Variants in RDH12 observed in about 807,000 individuals in gnomAD.
RDH12 encodes all-trans and 9-cis retinol dehydrogenase.
In RDH12, 21 loss-of-function variants were observed where a neutral mutation model predicts 34.0. That is an observed-to-expected ratio of 0.62 (90% CI 0.44 to 0.89). The LOEUF (loss-of-function observed/expected upper bound fraction) is 0.89, where lower values mean the gene tolerates loss of function less well. Ranked by LOEUF, RDH12 falls within the 40% of genes least tolerant of loss-of-function variation. The pLI is 0.00. For missense variants in RDH12, 394 were observed against 398.6 expected, an observed-to-expected ratio of 0.99 and a Z score of 0.10; for synonymous variants, 198 against 169.9, an observed-to-expected ratio of 1.17 and a Z score of -1.29.
Position 67,709,424 on chromosome 14 carries a change from C to A in RDH12, c.-275+7489C>A, listed in dbSNP as rs144041111. ...GACCATAAGATATAACTTTCATAAGCCTTTCATAACCTTTATAACCTTTAG... is the reference window on the plus strand; with the variant it reads ...GACCATAAGATATAACTTTCATAAGACTTTCATAACCTTTATAACCTTTAG... On this transcript the variant is annotated intron_variant, in intron 1 of 8. Coordinates refer to ENST00000551171, the MANE Select transcript of RDH12 (RefSeq NM_152443.3). Among the ~76,000 whole-genome samples, 121 of 152,284 alleles carry A rather than the reference C, an allele frequency of 7.9e-4. 1 individual carries two copies. Among genetic ancestry groups the A allele is most frequent in the African/African-American group, 2.6e-3 (109 of 41,540 alleles).
At position 67,732,687 on chromosome 14, in the gene RDH12, CT is replaced by C. The variant is rs368837803; in HGVS notation, c.849-1058del. Reference sequence around the variant, plus strand: ...TGCCTCCTGGGTTCAAGCCATTCTCCTGCATCAGCCTCCCAAGTAGCTGGGA... The same window carrying C: ...TGCCTCCTGGGTTCAAGCCATTCTCCGCATCAGCCTCCCAAGTAGCTGGGA... On this transcript the variant is annotated intron_variant, in intron 8 of 8. Transcript: ENST00000551171. Among the ~76,000 whole-genome samples, 1,056 of 152,266 alleles carry C rather than the reference CT, an allele frequency of 6.9e-3. 6 individuals carry two copies. The highest frequency in any genetic ancestry group is 0.01 in the Admixed American group (155 of 15,296).
At position 67,724,999 on chromosome 14, in the gene RDH12, G is replaced by C. The variant is rs2038167838; in HGVS notation, c.188-100G>C. 21 of 1,329,880 alleles carry C rather than the reference G, an allele frequency of 1.6e-5. No homozygotes were observed. The South Asian group carries it at 2.1e-4, about 13-fold the overall frequency. The allele number at this position is 1,329,880 out of a possible 1,614,324, so 82.4% of individuals were successfully genotyped here. ...TCACTCTACCGTTGAAGGATGGCTG[G>C]GAGAATGAATGCTCTGTCCCCCAGT... On this transcript the variant is annotated intron_variant, in intron 4 of 8. Transcript: ENST00000551171.
rs367934208 is a variant in RDH12, at chr14:67,733,998, T to C, written c.*150T>C. 18 of 626,024 alleles carry C rather than the reference T, an allele frequency of 2.9e-5. No individual in the cohort carries two copies. Among genetic ancestry groups the C allele is most frequent in the Admixed American group, 2.3e-4 (11 of 46,990 alleles). The allele number at this position is 626,024 out of a possible 1,614,324, so 38.8% of individuals were successfully genotyped here. A position where few individuals can be genotyped will look rare whatever the true frequency, so the allele number is the denominator to read the frequency against. ...ATCCTCTTGACCCTTCTGGGAATGT[T>C]TGCACACCTGACACTCTTGTGAGAC... On this transcript the variant is annotated 3_prime_UTR_variant, in exon 9 of 9. Coordinates refer to ENST00000551171, the MANE Select transcript of RDH12 (RefSeq NM_152443.3).
chr14:67,727,279 G>A (rs1566848198), intron 7 of RDH12, 89 bp downstream of exon 7: 1 of 916,206 alleles, frequency 1.1e-6, no homozygotes, highest in Non-Finnish European at 1.7e-6. Context: ...TGTCAAACAT[G>A]CACGTGTCAG....
At chr14:67,727,279 G>C in intron 7 of RDH12, 89 bp downstream of exon 7, 1 of 916,206 alleles carries the variant, frequency 1.1e-6, no homozygotes, top group African/African-American at 1.6e-5. Flanking sequence ...TGTCAAACAT[G>C]CACGTGTCAG....
chr14:67,702,689 G>A (rs571362875), intron 1 of RDH12, among the ~76,000 whole-genome samples: 1 of 152,282 alleles, frequency 6.6e-6, no homozygotes, highest in African/African-American at 2.4e-5. Context: ...ACTAATTTAT[G>A]AGTGCTCATT....
rs372927310 is a variant in RDH12 at position 67,719,018 on chromosome 14, C to T, written c.-274-1830C>T. 7.9e-4 allele frequency among the ~76,000 whole-genome samples: 121 copies of T among 152,284 alleles called. 4 individuals are homozygous for T. The South Asian group carries it at 0.024, about 30-fold the overall frequency. ...ATGTGAGAATTTATCCAGTAAGATACACCAACAAAGTTGGGCATGTTCCAA... is the reference window on the plus strand; with the variant it reads ...ATGTGAGAATTTATCCAGTAAGATATACCAACAAAGTTGGGCATGTTCCAA... On this transcript the variant is annotated intron_variant, in intron 1 of 8. Coordinates refer to ENST00000551171, the MANE Select transcript of RDH12 (RefSeq NM_152443.3).
intron 8 of RDH12, among the ~76,000 whole-genome samples, chr14:67,731,905 T>A (rs1244447758): frequency 1.3e-5 from 2 of 151,910 alleles, no homozygotes; most frequent in African/African-American, 4.8e-5. Context: ...GGTGGGTGGA[T>A]CACTTGAGGT....
chr14:67,733,832 G>T lies in RDH12; in HGVS notation c.935G>T (p.Gly312Val). ...TGGAATGTCAGCTGTGAGCTTCTAG[G>T]AATCCGGTGGGAGTAGCTGGTGGAA... ...RLWNVSCELLGIRWE is the reference protein window; with the variant it reads ...RLWNVSCELLVIRWE The change falls in exon 9 of 9, where the codon GGA becomes GTA. Residue 312 changes from glycine to valine, a missense_variant. Physicochemically the swap from Gly to Val is moderately radical, Grantham distance 109 (BLOSUM62 -3). Coordinates refer to ENST00000551171, the MANE Select transcript of RDH12 (RefSeq NM_152443.3). The T allele has an allele frequency of 6.2e-7, 1 of 1,612,490 alleles. No individual in the cohort carries two copies. The highest frequency in any genetic ancestry group is 1.1e-5 in the South Asian group (1 of 91,012).
chr14:67,732,593 T>C (rs945723166), intron 8 of RDH12, among the ~76,000 whole-genome samples: 98 of 152,226 alleles, frequency 6.4e-4, no homozygotes, highest in Middle Eastern at 3.4e-3. Context: ...TTCTTTTTTT[T>C]GAGACGGAGT....
chr14:67,703,058 G>A, intron 1 of RDH12, among the ~76,000 whole-genome samples: 1 of 152,122 alleles, frequency 6.6e-6, no homozygotes, highest in East Asian at 1.9e-4. Context: ...GGGCGCAAAT[G>A]ATCCTCCTAC....
chr14:67,713,133 T>G (rs745661917), intron 1 of RDH12, among the ~76,000 whole-genome samples: 2 of 151,812 alleles, frequency 1.3e-5, no homozygotes, highest in Non-Finnish European at 2.9e-5. Context: ...AAGCAGAAAT[T>G]AAAACCAGCT....
At chr14:67,724,075 G>A (rs1335829682) in intron 3 of RDH12, among the ~76,000 whole-genome samples, 1 of 152,174 alleles carries the variant, frequency 6.6e-6, no homozygotes, top group Non-Finnish European at 1.5e-5. Context: ...GATGGTTACT[G>A]AATATTGACT....
At chr14:67,705,315 C>A (rs1753070135) in intron 1 of RDH12, among the ~76,000 whole-genome samples, 1 of 152,216 alleles carries the variant, frequency 6.6e-6, no homozygotes, top group Non-Finnish European at 1.5e-5. Flanking sequence ...CAATCAGTAA[C>A]ACTTCATGAT....
chr14:67,729,128 A>C, intron 7 of RDH12, 63 bp from the exon 8 acceptor site: 1 of 1,524,482 alleles, frequency 6.6e-7, no homozygotes, highest in South Asian at 1.1e-5. Context: ...TTGCTGCAGG[A>C]GATAAGCTGT....
At chr14:67,711,942 G>A (rs531678103) in intron 1 of RDH12, among the ~76,000 whole-genome samples, 81 of 151,612 alleles carry the variant, frequency 5.3e-4, no homozygotes, top group South Asian at 2.1e-3. Flanking sequence ...TTTTTGAGAC[G>A]GAGTTTTGCT....
chr14:67,728,109 C>T (rs2038213651), intron 7 of RDH12: 2 of 152,198 alleles, frequency 1.3e-5, no homozygotes, highest in Non-Finnish European at 2.9e-5. Flanking sequence ...ATTCTGTGCT[C>T]TCCTGGAGCA....
At chr14:67,714,176 C>T (rs2038042050) in intron 1 of RDH12, among the ~76,000 whole-genome samples, 1 of 152,164 alleles carries the variant, frequency 6.6e-6, no homozygotes, top group African/African-American at 2.4e-5. Flanking sequence ...TGCTCCGTCT[C>T]CCAGGCTGGA....
intron 1 of RDH12, chr14:67,714,478 T>G (rs2038045348): frequency 1.3e-5 from 2 of 152,372 alleles, no homozygotes; most frequent in Non-Finnish European, 2.9e-5. Context: ...TAGTTTTATA[T>G]TCTTTTTATT....
Sources: allele counts gnomAD v4.1 joint callset (sites outside exome capture counted in the v4.1 genomes callset), GRCh38; gene constraint gnomAD v4.1.1; transcripts MANE v1.5; gene names NCBI Gene and HGNC (gene_info 2026-07-23, HGNC 2026-07-21).